The following DSCAM variants were observed in gnomAD, a reference collection of about 807,000 sequenced individuals.
The protein encoded by DSCAM is DS cell adhesion molecule, also known as cell adhesion molecule DSCAM.
A neutral mutation model predicts 217.7 loss-of-function variants in DSCAM; 47 were observed. The observed-to-expected ratio is 0.22, with a 90% confidence interval of 0.17 to 0.28. The LOEUF is 0.28. Among genes scored for constraint, DSCAM ranks in the 10% least tolerant of loss-of-function variants. DSCAM has a pLI of 1.00. For missense variants in DSCAM, 2,080 were observed against 2,618.3 expected, an observed-to-expected ratio of 0.79 and a Z score of 4.49; for synonymous variants, 1,056 against 1,015.3, an observed-to-expected ratio of 1.04 and a Z score of -0.76.
chr21:40,134,744 G>A (rs1239823831), intron 18 of DSCAM, among the ~76,000 whole-genome samples: 1 of 152,186 alleles, frequency 6.6e-6, no homozygotes, highest in African/African-American at 2.4e-5. Flanking sequence ...ATCAAAACAA[G>A]CTGCATGTCT....
intron 15 of DSCAM, among the ~76,000 whole-genome samples, chr21:40,168,052 C>A (rs911429016): frequency 6.6e-6 from 1 of 152,176 alleles, no homozygotes; most frequent in Non-Finnish European, 1.5e-5. Flanking sequence ...CAGAGTGAGA[C>A]TCCATCTCAA....
intron 23 of DSCAM, among the ~76,000 whole-genome samples, chr21:40,084,249 C>T (rs913300912): frequency 6.6e-6 from 1 of 152,084 alleles, no homozygotes; most frequent in Non-Finnish European, 1.5e-5. Flanking sequence ...GGATTCATAT[C>T]TAACTCATTT....
intron 1 of DSCAM, among the ~76,000 whole-genome samples, chr21:40,751,058 C>T (rs543593733): frequency 9.9e-5 from 15 of 152,282 alleles, no homozygotes; most frequent in African/African-American, 3.6e-4. Context: ...CCTATCTCCC[C>T]TTCCTGTCCC....
At chr21:40,097,400 A>T (rs1267578822) in intron 20 of DSCAM, among the ~76,000 whole-genome samples, 2 of 152,158 alleles carry the variant, frequency 1.3e-5, no homozygotes, top group Admixed American at 1.3e-4. Context: ...CATAAAATAA[A>T]GCTAATGAAC....
At chr21:40,077,063 A>G (rs753554651) in intron 26 of DSCAM, among the ~76,000 whole-genome samples, 1 of 152,204 alleles carries the variant, frequency 6.6e-6, no homozygotes, top group Non-Finnish European at 1.5e-5. Context: ...GAAGTCACTG[A>G]AGAGTGAGGG....
chr21:40,225,198 T>G (rs2091321158), intron 11 of DSCAM, among the ~76,000 whole-genome samples: 1 of 152,200 alleles, frequency 6.6e-6, no homozygotes. Context: ...GATAGATGAG[T>G]GTACACATAT....
chr21:40,559,405 C>G (rs1229416839), intron 3 of DSCAM, among the ~76,000 whole-genome samples: 1 of 150,216 alleles, frequency 6.7e-6, no homozygotes, highest in African/African-American at 2.5e-5. Flanking sequence ...TTGCAGTGCG[C>G]TGAGATCGCA....
intron 32 of DSCAM, among the ~76,000 whole-genome samples, chr21:40,014,288 A>G (rs1266532237): frequency 6.6e-6 from 1 of 152,176 alleles, no homozygotes; most frequent in African/African-American, 2.4e-5. Flanking sequence ...TACTGGGGAC[A>G]CTGAGGCAGG....
chr21:40,595,820 T>C (rs2077017415), intron 3 of DSCAM, among the ~76,000 whole-genome samples: 1 of 152,234 alleles, frequency 6.6e-6, no homozygotes, highest in Non-Finnish European at 1.5e-5. Context: ...TACTACAGTC[T>C]TTGGATCCAA....
chr21:40,530,415 T>C (rs974548432), intron 3 of DSCAM, among the ~76,000 whole-genome samples: 1 of 152,158 alleles, frequency 6.6e-6, no homozygotes, highest in Non-Finnish European at 1.5e-5. Flanking sequence ...CAAGTTGTCT[T>C]TTGGGAGCTC....
At chr21:40,191,510 G>T (rs1258198156) in intron 11 of DSCAM, among the ~76,000 whole-genome samples, 1 of 152,032 alleles carries the variant, frequency 6.6e-6, no homozygotes, top group Non-Finnish European at 1.5e-5. Context: ...AAATAAAAAT[G>T]TTTATTTTTA....
chr21:40,696,929 C>A (rs958853955), intron 2 of DSCAM, among the ~76,000 whole-genome samples: 1 of 152,038 alleles, frequency 6.6e-6, no homozygotes, highest in African/African-American at 2.4e-5. Flanking sequence ...AATCTTTTTT[C>A]TTCTAGCAAT....
intron 23 of DSCAM, 72 bp downstream of exon 23, chr21:40,085,530 T>A (rs1435853717): frequency 1.5e-6 from 2 of 1,303,158 alleles, no homozygotes; most frequent in East Asian, 5.4e-5. Flanking sequence ...TTAAAATTTG[T>A]TCAGTGCTAC....
intron 3 of DSCAM, among the ~76,000 whole-genome samples, chr21:40,407,524 A>G (rs557780435): frequency 6.6e-6 from 1 of 152,338 alleles, no homozygotes; most frequent in South Asian, 2.1e-4. Flanking sequence ...CAAGCTTCTA[A>G]TTTTGCTCAG....
chr21:40,125,272 GTTCTT>G (rs1401484488), intron 19 of DSCAM, among the ~76,000 whole-genome samples: 2 of 152,196 alleles, frequency 1.3e-5, no homozygotes, highest in African/African-American at 2.4e-5. Context: ...CACTCCTCTT[GTTCTT>G]TTATTTTCCA....
At chr21:40,554,945 T>A (rs186991017) in intron 3 of DSCAM, among the ~76,000 whole-genome samples, 1 of 152,334 alleles carries the variant, frequency 6.6e-6, no homozygotes, top group Admixed American at 6.5e-5. Flanking sequence ...AATGTTTTAT[T>A]AATTTTCCAG....
intron 3 of DSCAM, among the ~76,000 whole-genome samples, chr21:40,638,097 G>C: frequency 6.6e-6 from 1 of 152,090 alleles, no homozygotes; most frequent in Non-Finnish European, 1.5e-5. Flanking sequence ...TCTTTCTTAG[G>C]TGAATCTCAG....
chr21:40,584,789 C>T (rs458216), intron 3 of DSCAM, among the ~76,000 whole-genome samples: 1 of 152,092 alleles, frequency 6.6e-6, no homozygotes, highest in Non-Finnish European at 1.5e-5. Flanking sequence ...GATTCTGATG[C>T]TCCACAGATA....
intron 3 of DSCAM, among the ~76,000 whole-genome samples, chr21:40,590,113 G>A (rs2076973434): frequency 6.6e-6 from 1 of 152,216 alleles, no homozygotes; most frequent in South Asian, 2.1e-4. Flanking sequence ...AATCTCCAAT[G>A]TAACTAAGAA....
Sources: gnomAD v4.1 joint callset for allele counts (sites outside exome capture counted in the v4.1 genomes callset) on GRCh38, gnomAD v4.1.1 for gene constraint, MANE v1.5 for transcripts, NCBI Gene and HGNC (gene_info 2026-07-23, HGNC 2026-07-21) for gene names.